SLIT3: variants seen among roughly 807,000 people sequenced by gnomAD.
SLIT3 encodes the protein slit guidance ligand 3, also known as slit homolog 3 protein.
SLIT3 carries 68 observed loss-of-function variants against 184.0 expected under a neutral mutation model. The observed-to-expected ratio is 0.37, with a 90% CI of 0.30 to 0.45. The LOEUF is 0.45. Among genes scored for constraint, SLIT3 ranks in the 20% least tolerant of loss-of-function variants. The probability of loss-of-function intolerance (pLI) is 1.00; values close to 1 mark genes in which losing one functional copy is unlikely to be tolerated. For missense variants in SLIT3, 1,707 were observed against 2,026.0 expected (o/e 0.84, Z 3.02); for synonymous variants, 831 against 828.6 (o/e 1.00, Z -0.05).
intron 4 of SLIT3, among the ~76,000 whole-genome samples, chr5:169,108,278 G>C (rs1402961584): frequency 6.6e-6 from 1 of 152,210 alleles, no homozygotes; most frequent in Non-Finnish European, 1.5e-5. Flanking sequence ...AAGCAACCTG[G>C]GTTCAAGTCC....
intron 4 of SLIT3, among the ~76,000 whole-genome samples, chr5:169,008,293 C>T (rs1756004510): frequency 6.6e-6 from 1 of 152,204 alleles, no homozygotes; most frequent in Non-Finnish European, 1.5e-5. Context: ...GGGCAGTCAT[C>T]TTTGGGTCAC....
Position 169,140,510 on chromosome 5 carries a change from G to GAATC in SLIT3, c.413+52968_413+52969insGATT, listed in dbSNP as rs1233027090. On this transcript the variant is annotated intron_variant, in intron 4 of 35. Transcript: ENST00000519560. ...AAAAAAAAAAAAAAAAAAAAAAAAA[G>GAATC]ACGCAGGCGGTCAGGCACGGTGGCT... Among the ~76,000 whole-genome samples, 37 of 104,492 alleles carry GAATC rather than the reference G, an allele frequency of 3.5e-4. 2 individuals are homozygous for GAATC. Among genetic ancestry groups the GAATC allele is most frequent in the African/African-American group, 1.2e-3 (35 of 29,446 alleles). 68.6% of individuals were successfully genotyped at this position (104,492 alleles called of 152,430 possible). A position where few individuals can be genotyped will look rare whatever the true frequency, so the allele number is the denominator to read the frequency against.
intron 23 of SLIT3, among the ~76,000 whole-genome samples, chr5:168,713,671 T>C (rs1016884007): frequency 1.3e-5 from 2 of 152,206 alleles, no homozygotes; most frequent in Admixed American, 1.3e-4. Flanking sequence ...TTCTTCTCCC[T>C]TCAACTGAAG....
chr5:168,807,576 CAG>C (rs941262842), intron 8 of SLIT3, among the ~76,000 whole-genome samples: 2 of 152,114 alleles, frequency 1.3e-5, no homozygotes, highest in Admixed American at 6.6e-5. Flanking sequence ...ATCCAGCTAA[CAG>C]GGGTTATTTC....
intron 29 of SLIT3, among the ~76,000 whole-genome samples, chr5:168,689,008 G>A (rs1761829239): frequency 6.6e-6 from 1 of 152,256 alleles, no homozygotes; most frequent in African/African-American, 2.4e-5. Flanking sequence ...AGACTAAGCA[G>A]TGGAGGTCGG....
rs373406829 is a variant in SLIT3, at chr5:168,738,815, G to A, written c.2270+9487C>T. The stretch of plus-strand genomic sequence containing the variant: ...TAGCCGGGCGCGGTGGCGGGCGCCT[G>A]TAGTCCCAGCTGCTGGGGAGGTTGA... On this transcript the variant is annotated intron_variant, in intron 20 of 35. Coordinates refer to ENST00000519560, the MANE Select transcript of SLIT3 (RefSeq NM_003062.4). 3.3e-5 allele frequency among the ~76,000 whole-genome samples: 5 copies of A among 151,854 alleles called. No individual in the cohort carries two copies. In the East Asian group the frequency reaches 7.8e-4, roughly 24 times the overall value.
chr5:168,918,539 C>T (rs1009277626), intron 4 of SLIT3, among the ~76,000 whole-genome samples: 10 of 152,140 alleles, frequency 6.6e-5, no homozygotes, highest in Admixed American at 2.6e-4. Context: ...TTTGTGAACC[C>T]GATTTGTGTT....
intron 26 of SLIT3, among the ~76,000 whole-genome samples, chr5:168,701,073 G>C (rs1006159765): frequency 6.6e-6 from 1 of 152,188 alleles, no homozygotes; most frequent in Non-Finnish European, 1.5e-5. Flanking sequence ...AAAGCCTCTT[G>C]ACCTCTCCAA....
intron 4 of SLIT3, among the ~76,000 whole-genome samples, chr5:168,945,955 T>A (rs573572260): frequency 1.3e-5 from 2 of 152,362 alleles, no homozygotes; most frequent in East Asian, 3.9e-4. Flanking sequence ...ACTTGGAAAG[T>A]TTCTCGCGTA....
intron 4 of SLIT3, among the ~76,000 whole-genome samples, chr5:169,083,412 G>T (rs1384318352): frequency 6.6e-6 from 1 of 152,034 alleles, no homozygotes; most frequent in African/African-American, 2.4e-5. Context: ...GTTAGGGGGT[G>T]GGGGCAGAAG....
intron 1 of SLIT3, among the ~76,000 whole-genome samples, chr5:169,281,814 T>C (rs536652220): frequency 2.6e-4 from 39 of 152,242 alleles, no homozygotes; most frequent in Non-Finnish European, 5.1e-4. Flanking sequence ...TGTTGCTTTA[T>C]TAATTTAAGC....
chr5:168,851,177 GC>G (rs1188608319), intron 5 of SLIT3, among the ~76,000 whole-genome samples: 1 of 152,074 alleles, frequency 6.6e-6, no homozygotes, highest in Admixed American at 6.5e-5. Context: ...CAAAAAATTA[GC>G]CGGGCGTGGT....
chr5:168,851,179 C>T (rs886677533), intron 5 of SLIT3, among the ~76,000 whole-genome samples: 17 of 151,876 alleles, frequency 1.1e-4, no homozygotes, highest in Non-Finnish European at 2.1e-4. Context: ...AAAAATTAGC[C>T]GGGCGTGGTG....
chr5:168,928,962 G>A (rs1388148228), intron 4 of SLIT3, among the ~76,000 whole-genome samples: 1 of 152,166 alleles, frequency 6.6e-6, no homozygotes, highest in African/African-American at 2.4e-5. Flanking sequence ...TATATGACTG[G>A]CCCAGACTCA....
At chr5:169,214,748 A>G (rs1271053736) in intron 3 of SLIT3, among the ~76,000 whole-genome samples, 3 of 152,224 alleles carry the variant, frequency 2.0e-5, no homozygotes, top group Admixed American at 6.5e-5. Context: ...CATGTTCACC[A>G]TGGACACTGT....
chr5:168,681,125 G>C (rs2113211706), intron 32 of SLIT3, among the ~76,000 whole-genome samples: 1 of 152,298 alleles, frequency 6.6e-6, no homozygotes, highest in East Asian at 1.9e-4. Flanking sequence ...CTCCAACCTG[G>C]GTGACACAGT....
intron 20 of SLIT3, among the ~76,000 whole-genome samples, chr5:168,740,315 T>C (rs1194681426): frequency 6.6e-6 from 1 of 152,182 alleles, no homozygotes; most frequent in African/African-American, 2.4e-5. Flanking sequence ...TGAGGGTTAA[T>C]AGAGAGCTGA....
At chr5:168,691,921 G>A (rs970453656) in intron 29 of SLIT3, among the ~76,000 whole-genome samples, 1 of 152,220 alleles carries the variant, frequency 6.6e-6, no homozygotes, top group Non-Finnish European at 1.5e-5. Flanking sequence ...AGGAAGAGAT[G>A]AGTACAGGGC....
intron 4 of SLIT3, among the ~76,000 whole-genome samples, chr5:169,085,279 C>T (rs1015281510): frequency 5.9e-5 from 9 of 152,274 alleles, no homozygotes; most frequent in Non-Finnish European, 7.3e-5. Context: ...AGAATGAGAA[C>T]GGCTGGTCCA....
Sources: gnomAD v4.1 joint callset for allele counts (sites outside exome capture counted in the v4.1 genomes callset) on GRCh38, gnomAD v4.1.1 for gene constraint, MANE v1.5 for transcripts, NCBI Gene and HGNC (gene_info 2026-07-23, HGNC 2026-07-21) for gene names.